The following KARS1 variants were observed in gnomAD, a reference collection of about 807,000 sequenced individuals.
KARS1 encodes lysine--tRNA ligase.
Under a neutral mutation model 63.9 loss-of-function variants are expected in KARS1, and 50 were observed. The ratio of observed to expected loss-of-function variants is 0.78; its 90% CI spans 0.62 to 0.99. The LOEUF is 0.99. KARS1 is among the 50% of genes least tolerant of loss of function. The pLI is 0.00. For synonymous variants in KARS1, 320 were observed against 264.6 expected, an observed-to-expected ratio of 1.21 and a Z score of -2.03; for missense variants, 816 against 754.5, an observed-to-expected ratio of 1.08 and a Z score of -0.95.
intron 10 of KARS1, 86 bp downstream of exon 10, chr16:75,631,082 C>G: frequency 9.8e-7 from 1 of 1,021,294 alleles, no homozygotes; most frequent in Non-Finnish European, 1.5e-6. Flanking sequence ...GAAATGAACT[C>G]TCCCCAGTGG....
rs1241867859 is a variant in KARS1 at position 75,636,068 on chromosome 16, A to G, written c.513T>C (p.His171=). 1.3e-6 allele frequency: 2 copies of G among 1,599,892 alleles called. No homozygotes were observed. ...CTCCCCGACGCAGTTTGTTATTAAT[A>G]TGAATAAATTCTTCTTCTGATTTAT... ...RNYKSEEEFI[H]INNKLRRGDI... is the part of the protein sequence containing the mutation. Residue 171 remains histidine, a synonymous_variant, in exon 5 of 14, where the codon CAT becomes CAC. Coordinates refer to ENST00000302445, the MANE Select transcript of KARS1 (RefSeq NM_005548.3).
intron 3 of KARS1, 145 bp downstream of exon 3, chr16:75,640,039 T>G (rs903495908): frequency 5.1e-5 from 37 of 720,138 alleles, no homozygotes; most frequent in Middle Eastern, 3.8e-4. Context: ...TCTTTCTGTA[T>G]AGATATAATG....
At chr16:75,629,320 A>T in intron 12 of KARS1, 95 bp downstream of exon 12, 2 of 1,496,092 alleles carry the variant, frequency 1.3e-6, no homozygotes, top group Non-Finnish European at 1.9e-6. Flanking sequence ...TCACTTCTGA[A>T]GTCACCAAGA....
chr16:75,642,154 C>T (rs887349922), intron 1 of KARS1, among the ~76,000 whole-genome samples: 1 of 149,490 alleles, frequency 6.7e-6, no homozygotes, highest in East Asian at 2.0e-4. Flanking sequence ...TTAGTATCCC[C>T]CTAGAAGGTG....
At chr16:75,639,337 C>T (rs1350232970) in intron 3 of KARS1, among the ~76,000 whole-genome samples, 4 of 151,664 alleles carry the variant, frequency 2.6e-5, no homozygotes, top group Admixed American at 1.3e-4. Flanking sequence ...TTTGGGAAGC[C>T]GAGGCAGGTG....
rs1417976627 is a variant in KARS1, at chr16:75,627,759, T to A, written c.*136A>T. ...ACAGGATTAAAAAGAAATTTTTAAT[T>A]CCTTGTCTCTCTTCTGATGGCTGAA... On this transcript the variant is annotated 3_prime_UTR_variant, in exon 14 of 14. Transcript: ENST00000302445. The A allele has an allele frequency of 1.4e-6, 1 of 704,204 alleles. No homozygotes were observed. The highest frequency in any genetic ancestry group is 2.6e-6 in the Non-Finnish European group (1 of 382,110). The allele number at this position is 704,204 out of a possible 1,614,324, so 43.6% of individuals were successfully genotyped here.
At chr16:75,629,894 G>A (rs2082093070) in intron 11 of KARS1, among the ~76,000 whole-genome samples, 1 of 152,246 alleles carries the variant, frequency 6.6e-6, no homozygotes, top group South Asian at 2.1e-4. Context: ...AAGCCTGCAT[G>A]CAGTCTCAGC....
chr16:75,644,574 C>T (rs1048778490), intron 1 of KARS1: 2 of 655,770 alleles, frequency 3.0e-6, no homozygotes, highest in East Asian at 2.8e-5. Context: ...CCTTTTAGTC[C>T]CATTTAACTT....
At chr16:75,633,387 G>C (rs1298485684) in intron 7 of KARS1, among the ~76,000 whole-genome samples, 3 of 152,064 alleles carry the variant, frequency 2.0e-5, no homozygotes, top group Non-Finnish European at 1.5e-5. Flanking sequence ...CTATAGAGCT[G>C]AATAAATTTT....
chr16:75,631,225 A>G lies in KARS1; in HGVS notation c.1281T>C (p.Cys427=). The G allele has an allele frequency of 6.2e-7, 1 of 1,614,132 alleles. No individual in the cohort carries two copies. Among genetic ancestry groups the G allele is most frequent in the Non-Finnish European group, 8.5e-7 (1 of 1,179,992 alleles). ...EETRKILDDI[C]VAKAVECPPP... is the part of the protein sequence containing the mutation. ...GAGGGCATTCAACAGCTTTTGCCAC[A>G]CAGATATCATCAAGAATTTTGCGAG... The change falls in exon 10 of 14, where the codon TGT becomes TGC. Residue 427 remains cysteine (C), a synonymous_variant. Transcript: ENST00000302445.
intron 3 of KARS1, among the ~76,000 whole-genome samples, chr16:75,637,970 C>T (rs1203711888): frequency 6.9e-6 from 1 of 145,622 alleles, no homozygotes; most frequent in African/African-American, 2.5e-5. Flanking sequence ...TCTCAAAAAA[C>T]AAGCTGCAGT....
In KARS1 at chr16:75,635,790, G is replaced by A; in HGVS notation, c.685C>T (p.Gln229Ter). 1 of 1,614,130 alleles carries A rather than the reference G, an allele frequency of 6.2e-7. No homozygotes were observed. The highest frequency in any genetic ancestry group is 8.5e-7 in the Non-Finnish European group (1 of 1,179,982). The change falls in exon 6 of 14, where the codon CAG becomes TAG. Residue 229 changes from glutamine (Q) to a stop codon, truncating the protein, a stop_gained. Transcript: ENST00000302445. LOFTEE classifies it high-confidence loss of function. ...TTCAGGATCAAGTCCAAGTATCTCT[G>A]GCGATACCTTGTTTCCTAAACCAAA... ...GLKDKETRYR[Q>*]RYLDLILNDF...
chr16:75,629,449 A>C lies in KARS1; in HGVS notation c.1517T>G (p.Met506Arg). 1 of 1,614,176 alleles carries C rather than the reference A, an allele frequency of 6.2e-7. No homozygotes were observed. Among genetic ancestry groups the C allele is most frequent in the African/African-American group, 1.3e-5 (1 of 75,056 alleles). Reference protein sequence around the residue: ...CNAYTELNDPMRQRQLFEEQA... With the variant: ...CNAYTELNDPRRQRQLFEEQA... ...TTCTTCAAAAAGCTGCCGCTGCCGC[A>C]TGGGATCATTCAGCTCAGTATACGC... The change falls in exon 12 of 14, where the codon ATG (methionine) becomes AGG (arginine). Residue 506 changes from methionine (M) to arginine (R), a missense_variant. Met to Arg is a moderately conservative substitution (Grantham distance 91). Transcript: ENST00000302445.
intron 10 of KARS1, 77 bp downstream of exon 10, chr16:75,631,090 TG>T: frequency 1.8e-6 from 2 of 1,103,488 alleles, no homozygotes; most frequent in Non-Finnish European, 2.7e-6. Flanking sequence ...CTCTCCCCAG[TG>T]GGGTTCATTT....
At chr16:75,639,915 T>C in intron 3 of KARS1, 1 of 483,178 alleles carries the variant, frequency 2.1e-6, no homozygotes, top group Non-Finnish European at 3.7e-6. Flanking sequence ...CTTAGAAGCC[T>C]GAGACTTCTA....
intron 4 of KARS1, 152 bp from the exon 5 acceptor site, chr16:75,636,250 T>C (rs1200148949): frequency 4.2e-6 from 3 of 708,834 alleles, no homozygotes; most frequent in Non-Finnish European, 7.5e-6. Context: ...AAAAGGACTA[T>C]CCTTTACTTT....
At chr16:75,644,347 G>A (rs780953008) in intron 1 of KARS1, 4 of 1,610,834 alleles carry the variant, frequency 2.5e-6, no homozygotes, top group Non-Finnish European at 3.4e-6. Flanking sequence ...TGACCCAGTC[G>A]CAGTTCCCTG....
intron 7 of KARS1, 26 bp downstream of exon 7, chr16:75,634,147 G>C: frequency 6.2e-7 from 1 of 1,611,820 alleles, no homozygotes; most frequent in Non-Finnish European, 8.5e-7. Flanking sequence ...TTCTTTAAGG[G>C]AAAAGGGTGT....
At chr16:75,645,403 A>G (rs1008761499) in intron 1 of KARS1, among the ~76,000 whole-genome samples, 3 of 152,218 alleles carry the variant, frequency 2.0e-5, no homozygotes, top group African/African-American at 7.2e-5. Context: ...GCATTTAATT[A>G]CTAGGACCTC....
Sources: gnomAD v4.1 joint callset for allele counts (sites outside exome capture counted in the v4.1 genomes callset) on GRCh38, gnomAD v4.1.1 for gene constraint, MANE v1.5 for transcripts, NCBI Gene and HGNC (gene_info 2026-07-23, HGNC 2026-07-21) for gene names.